The following WDR48 variants were observed in gnomAD, a reference collection of about 807,000 sequenced individuals.
WDR48 encodes the protein WD repeat-containing protein 48.
In WDR48, 22 loss-of-function variants were observed where a neutral mutation model predicts 94.0. That is an observed-to-expected ratio of 0.23 (90% CI 0.17 to 0.33). The LOEUF (loss-of-function observed/expected upper bound fraction) is 0.33. Among genes scored for constraint, WDR48 ranks in the 10% least tolerant of loss-of-function variants. The probability of loss-of-function intolerance (pLI) is 1.00; values close to 1 mark genes in which losing one functional copy is unlikely to be tolerated. For missense variants in WDR48, 541 were observed against 813.8 expected, an observed-to-expected ratio of 0.66 and a Z score of 4.08; for synonymous variants, 278 against 280.5, an observed-to-expected ratio of 0.99 and a Z score of 0.09.
chr3:39,079,570 A>G, intron 10 of WDR48, 141 bp from the exon 11 acceptor site: 2 of 501,278 alleles, frequency 4.0e-6, no homozygotes, highest in Non-Finnish European at 6.9e-6. Context: ...ATATAATTAT[A>G]TAGTCTTTAG....
chr3:39,068,484 A>C (rs771352165), intron 5 of WDR48, among the ~76,000 whole-genome samples: 1 of 152,118 alleles, frequency 6.6e-6, no homozygotes, highest in East Asian at 1.9e-4. Flanking sequence ...ACATTTTTTC[A>C]TATTTATGGC....
intron 5 of WDR48, 42 bp from the exon 6 acceptor site, chr3:39,068,729 C>T: frequency 6.7e-7 from 1 of 1,483,632 alleles, no homozygotes; most frequent in East Asian, 2.3e-5. Context: ...TACTAAACAG[C>T]TGATGATCTT....
intron 3 of WDR48, among the ~76,000 whole-genome samples, chr3:39,066,270 G>A (rs1191069662): frequency 6.6e-6 from 1 of 152,136 alleles, no homozygotes; most frequent in African/African-American, 2.4e-5. Context: ...CGAGTTACAG[G>A]AATTTTTCTC....
chr3:39,082,708 AGG>A (rs1346093632), intron 11 of WDR48, among the ~76,000 whole-genome samples: 5 of 152,222 alleles, frequency 3.3e-5, no homozygotes, highest in Non-Finnish European at 5.9e-5. Flanking sequence ...ACAGGTTATC[AGG>A]AGAAAAGGAC....
At chr3:39,081,434 T>C (rs896628515) in intron 11 of WDR48, among the ~76,000 whole-genome samples, 3 of 152,112 alleles carry the variant, frequency 2.0e-5, no homozygotes, top group African/African-American at 7.2e-5. Flanking sequence ...TTTAGTTCTT[T>C]GAGTAGAAAG....
At chr3:39,055,734 G>A (rs577915416) in intron 1 of WDR48, among the ~76,000 whole-genome samples, 1 of 152,266 alleles carries the variant, frequency 6.6e-6, no homozygotes, top group African/African-American at 2.4e-5. Flanking sequence ...ATCCTTAGCA[G>A]TCCCTTGGTG....
At chr3:39,077,601 C>A (rs889529368) in intron 9 of WDR48, among the ~76,000 whole-genome samples, 2 of 152,176 alleles carry the variant, frequency 1.3e-5, no homozygotes, top group Non-Finnish European at 2.9e-5. Flanking sequence ...TAAGAGAAAG[C>A]AGAAAATTGT....
chr3:39,061,116 A>G (rs982992585), intron 1 of WDR48, among the ~76,000 whole-genome samples: 1 of 152,198 alleles, frequency 6.6e-6, no homozygotes, highest in African/African-American at 2.4e-5. Flanking sequence ...TTTAATTATT[A>G]TACTTCAAGT....
intron 7 of WDR48, among the ~76,000 whole-genome samples, chr3:39,071,501 A>G (rs2033932573): frequency 6.6e-6 from 1 of 152,182 alleles, no homozygotes; most frequent in Non-Finnish European, 1.5e-5. Flanking sequence ...CAGACCTTCT[A>G]AAGCTCTACC....
At position 39,069,683 on chromosome 3, in the gene WDR48, T is replaced by C. The variant is rs1484532101; in HGVS notation, c.611T>C (p.Met204Thr). The stretch of plus-strand genomic sequence containing the variant: ...GATCCAAGAACATGTGCAAAACTAA[T>C]GAAGCTTAAAGGGCACACGGATAAT... ...VWDPRTCAKL[M>T]KLKGHTDNVK... is the part of the protein sequence containing the mutation. Residue 204 changes from methionine (M) to threonine (T), a missense_variant, in exon 7 of 19, where the codon ATG (methionine) becomes ACG (threonine). By Grantham distance (81) the Met-to-Thr change is moderately conservative. Transcript: ENST00000302313. 1 of 1,613,832 alleles carries C rather than the reference T, an allele frequency of 6.2e-7. No individual in the cohort carries two copies. Among genetic ancestry groups the C allele is most frequent in the South Asian group, 1.1e-5 (1 of 91,056 alleles).
intron 17 of WDR48, among the ~76,000 whole-genome samples, chr3:39,092,199 C>T (rs1267695040): frequency 6.6e-6 from 1 of 152,132 alleles, no homozygotes; most frequent in Non-Finnish European, 1.5e-5. Context: ...ATAAAACACA[C>T]ATTTTGTCTG....
Position 39,067,311 on chromosome 3 carries a change from G to C in WDR48, c.481+436G>C, listed in dbSNP as rs968018266. 1.4e-4 allele frequency among the ~76,000 whole-genome samples: 22 copies of C among 152,180 alleles called. 1 individual carries two copies. The highest frequency in any genetic ancestry group is 4.8e-4 in the African/African-American group (20 of 41,434). ...TAAGAGCTTTTGAGTTAATAGCCAA[G>C]ATGAAAAATACCCAGGAGAAAGAAA... On this transcript the variant is annotated intron_variant, in intron 5 of 18. Coordinates refer to ENST00000302313, the MANE Select transcript of WDR48 (RefSeq NM_020839.4).
chr3:39,068,088 CT>C (rs938251414), intron 5 of WDR48, among the ~76,000 whole-genome samples: 4 of 151,752 alleles, frequency 2.6e-5, no homozygotes, highest in Non-Finnish European at 5.9e-5. Context: ...GGATATCACA[CT>C]TTTTTTTAAT....
At chr3:39,080,525 C>T (rs538667224) in intron 11 of WDR48, among the ~76,000 whole-genome samples, 25 of 152,322 alleles carry the variant, frequency 1.6e-4, no homozygotes, top group Middle Eastern at 6.8e-3. Flanking sequence ...TGTTGGTATA[C>T]TTGTTCATTT....
rs1349387364 is a variant in WDR48 at position 39,069,751 on chromosome 3, A to G, written c.672+7A>G. On this transcript the variant is annotated splice_region_variant and intron_variant, in intron 7 of 18. Transcript: ENST00000302313. ...AAACAGAGATGGCACGCAAGTATGC[A>G]GTTTCATTTGGGTGTTTACCTAATA... 3 of 1,610,156 alleles carry G rather than the reference A, an allele frequency of 1.9e-6. No homozygotes were observed. The highest frequency in any genetic ancestry group is 1.7e-5 in the Admixed American group (1 of 59,710).
At position 39,074,824 on chromosome 3, in the gene WDR48, G is replaced by C. The variant is rs149913299; in HGVS notation, c.771G>C (p.Ala257=). The change falls in exon 8 of 19, where the codon GCG becomes GCC. Residue 257 remains alanine (A), a synonymous_variant. Coordinates refer to ENST00000302313, the MANE Select transcript of WDR48 (RefSeq NM_020839.4). ...TYRVHDEGVW[A]LQVNDAFTHV... is the part of the protein sequence containing the mutation. Reference sequence around the variant, plus strand: ...GAGTCCATGATGAAGGTGTTTGGGCGCTGCAAGTCAATGATGCCTTCACAC... The same window carrying C: ...GAGTCCATGATGAAGGTGTTTGGGCCCTGCAAGTCAATGATGCCTTCACAC... The C allele has an allele frequency of 2.0e-5, 32 of 1,614,090 alleles. No homozygotes were observed. Among genetic ancestry groups the C allele is most frequent in the Non-Finnish European group, 2.4e-5 (28 of 1,180,044 alleles).
chr3:39,082,939 C>G (rs1332976128), intron 11 of WDR48, among the ~76,000 whole-genome samples: 3 of 152,116 alleles, frequency 2.0e-5, no homozygotes, highest in Non-Finnish European at 4.4e-5. Flanking sequence ...ATCAGTCTTT[C>G]AGGGATGTTG....
chr3:39,086,764 A>C (rs2034829790), intron 14 of WDR48, among the ~76,000 whole-genome samples: 1 of 152,244 alleles, frequency 6.6e-6, no homozygotes, highest in South Asian at 2.1e-4. Context: ...TAAGTTATCA[A>C]AACAGTGGTA....
rs779260014 is a variant in WDR48 at position 39,084,625 on chromosome 3, T to C, written c.1282-20T>C. 3 of 1,605,652 alleles carry C rather than the reference T, an allele frequency of 1.9e-6. No homozygotes were observed. Among genetic ancestry groups the C allele is most frequent in the Non-Finnish European group, 2.6e-6 (3 of 1,173,572 alleles). ...AGAATATATTCAAATGGGATGCCAC[T>C]AAGTTTTTTCTTTTGATAGATGTTA... On this transcript the variant is annotated intron_variant, in intron 12 of 18. Coordinates refer to ENST00000302313, the MANE Select transcript of WDR48 (RefSeq NM_020839.4).
Sources: gnomAD v4.1 joint callset for allele counts (sites outside exome capture counted in the v4.1 genomes callset) on GRCh38, gnomAD v4.1.1 for gene constraint, MANE v1.5 for transcripts, NCBI Gene and HGNC (gene_info 2026-07-23, HGNC 2026-07-21) for gene names.